The following CYP11A1 variants were observed in gnomAD, a reference collection of about 807,000 sequenced individuals.
The protein encoded by CYP11A1 is cholesterol side-chain cleavage enzyme, mitochondrial.
Under a neutral mutation model 51.9 loss-of-function variants are expected in CYP11A1, and 25 were observed. That is an observed-to-expected ratio of 0.48 (90% CI 0.35 to 0.67). The LOEUF is 0.67. Among genes scored for constraint, CYP11A1 ranks in the 30% least tolerant of loss-of-function variants. The pLI is 0.00. For synonymous variants in CYP11A1, 245 were observed against 262.1 expected (o/e 0.93, Z 0.63); for missense variants, 578 against 680.9 (o/e 0.85, Z 1.68).
chr15:74,357,739 A>T (rs977418898), intron 1 of CYP11A1, among the ~76,000 whole-genome samples: 1 of 152,190 alleles, frequency 6.6e-6, no homozygotes, highest in Non-Finnish European at 1.5e-5. Flanking sequence ...CTTTCTATCC[A>T]AACAACTTGA....
chr15:74,351,357 T>C (rs2060655609), intron 1 of CYP11A1, among the ~76,000 whole-genome samples: 4 of 152,188 alleles, frequency 2.6e-5, no homozygotes, highest in African/African-American at 7.2e-5. Context: ...TCCTGATCCC[T>C]ACATGCGGTG....
chr15:74,349,902 T>C (rs551767323), intron 1 of CYP11A1, among the ~76,000 whole-genome samples: 4 of 152,212 alleles, frequency 2.6e-5, no homozygotes, highest in Non-Finnish European at 5.9e-5. Flanking sequence ...AGTGAGCCTA[T>C]GATGGCACCA....
intron 2 of CYP11A1, among the ~76,000 whole-genome samples, chr15:74,347,279 C>T (rs901354651): frequency 6.6e-5 from 10 of 152,098 alleles, no homozygotes; most frequent in African/African-American, 1.7e-4. Flanking sequence ...TGTGGTGACA[C>T]GCACCTGTAA....
intron 1 of CYP11A1, among the ~76,000 whole-genome samples, chr15:74,355,417 CCTAGT>C (rs2060674734): frequency 6.6e-6 from 1 of 152,092 alleles, no homozygotes; most frequent in Non-Finnish European, 1.5e-5. Context: ...TTGTTCCCTC[CCTAGT>C]CTATTTCCAA....
chr15:74,361,342 T>A (rs1259961198), intron 1 of CYP11A1: 4 of 234,604 alleles, frequency 1.7e-5, no homozygotes, highest in Admixed American at 5.1e-5. Context: ...ACAATTATAA[T>A]TATGTTAAGT....
rs2060597696 is a variant in CYP11A1, at chr15:74,339,702, C to G, written c.1042G>C (p.Val348Leu). 2 of 1,614,014 alleles carry G rather than the reference C, an allele frequency of 1.2e-6. No homozygotes were observed. Among genetic ancestry groups the G allele is most frequent in the Non-Finnish European group, 1.7e-6 (2 of 1,180,042 alleles). ...ACCTCTGCCCGCAGCATATCCTGCA[C>G]CTTCAGGTTGCGTGCCATCTCATAC... ...HLYEMARNLK[V>L]QDMLRAEVLA... The change falls in exon 6 of 9, where the codon GTG (valine) becomes CTG (leucine). Residue 348 changes from valine (V) to leucine (L), a missense_variant. Transcript: ENST00000268053.
In CYP11A1 at chr15:74,339,714, G is replaced by T. The variant is rs560966443; in HGVS notation, c.1030C>A (p.Arg344Ser). Reference sequence around the variant, plus strand: ...AGCATATCCTGCACCTTCAGGTTGCGTGCCATCTCATACAAGTGCCACTGC... The same window carrying T: ...AGCATATCCTGCACCTTCAGGTTGCTTGCCATCTCATACAAGTGCCACTGC... Reference protein sequence around the residue: ...TLQWHLYEMARNLKVQDMLRA... With the variant: ...TLQWHLYEMASNLKVQDMLRA... The change falls in exon 6 of 9, where the codon CGC (arginine) becomes AGC (serine). Residue 344 changes from arginine to serine, a missense_variant. Coordinates refer to ENST00000268053, the MANE Select transcript of CYP11A1 (RefSeq NM_000781.3). The T allele has an allele frequency of 7.4e-6, 12 of 1,614,004 alleles. No homozygotes were observed. Among genetic ancestry groups the T allele is most frequent in the Non-Finnish European group, 1.0e-5 (12 of 1,180,034 alleles).
chr15:74,358,691 C>T (rs189582283), intron 1 of CYP11A1, among the ~76,000 whole-genome samples: 10 of 152,312 alleles, frequency 6.6e-5, no homozygotes, highest in African/African-American at 1.7e-4. Context: ...AGACCTTTCC[C>T]GTAGGGTCTG....
In CYP11A1 at chr15:74,367,085, A is replaced by G. The variant is rs978300957; in HGVS notation, c.269+232T>C. On this transcript the variant is annotated intron_variant, in intron 1 of 8. Transcript: ENST00000268053. ...TGGCGGTCTTGCCACCAATTGTTTC[A>G]AAAGTAGATGTCTGGTTTAGAGTAC... is the stretch of plus-strand genomic sequence containing the variant. The G allele has an allele frequency of 5.1e-6, 3 of 585,632 alleles. No individual in the cohort carries two copies. In the Admixed American group the frequency reaches 9.1e-5, roughly 18 times the overall value. The allele number at this position is 585,632 out of a possible 1,614,324, so 36.3% of individuals were successfully genotyped here. A position where few individuals can be genotyped will look rare whatever the true frequency, so the allele number is the denominator to read the frequency against.
At chr15:74,347,784 G>A in intron 2 of CYP11A1, 116 bp downstream of exon 2, 1 of 964,710 alleles carries the variant, frequency 1.0e-6, no homozygotes, top group Non-Finnish European at 1.6e-6. Context: ...TTCACCTAGA[G>A]GCCCTGCTAG....
chr15:74,363,627 G>A (rs975346757), intron 1 of CYP11A1: 18 of 152,162 alleles, frequency 1.2e-4, no homozygotes, highest in African/African-American at 2.7e-4. Context: ...TCTCCCTGAC[G>A]AGCTGTATGC....
chr15:74,348,632 A>G (rs2060642602), intron 1 of CYP11A1, among the ~76,000 whole-genome samples: 1 of 152,238 alleles, frequency 6.6e-6, no homozygotes, highest in African/African-American at 2.4e-5. Flanking sequence ...CTTTGTCTCT[A>G]TTAAAATAAA....
At chr15:74,349,923 C>T (rs376959472) in intron 1 of CYP11A1, among the ~76,000 whole-genome samples, 2 of 151,928 alleles carry the variant, frequency 1.3e-5, no homozygotes, top group African/African-American at 4.8e-5. Context: ...CTGCACTCCA[C>T]CCTGGGAGAC....
At chr15:74,338,189 G>A in intron 8 of CYP11A1, 86 bp from the exon 9 acceptor site, 7 of 1,509,276 alleles carry the variant, frequency 4.6e-6, no homozygotes, top group South Asian at 1.1e-5. Flanking sequence ...GGCAGTGCCT[G>A]TGGAGTGTGA....
At chr15:74,347,175 G>A (rs1567053753) in intron 2 of CYP11A1, among the ~76,000 whole-genome samples, 1 of 152,048 alleles carries the variant, frequency 6.6e-6, no homozygotes, top group African/African-American at 2.4e-5. Context: ...TTGGAAGGCT[G>A]AAGCGGGAAG....
intron 1 of CYP11A1, chr15:74,362,388 CT>C (rs891317652): frequency 6.1e-5 from 12 of 195,634 alleles, no homozygotes; most frequent in South Asian, 6.0e-4. Context: ...TGTAGAAAAG[CT>C]TTCCCATGCA....
intron 4 of CYP11A1, 125 bp from the exon 5 acceptor site, chr15:74,343,262 C>T (rs79533289): frequency 3.2e-6 from 3 of 934,106 alleles, no homozygotes; most frequent in Non-Finnish European, 5.1e-6. Context: ...TCTTAGGCTG[C>T]CGTTTTACTG....
intron 2 of CYP11A1, among the ~76,000 whole-genome samples, chr15:74,346,366 A>AG (rs2060633282): frequency 6.7e-6 from 1 of 150,314 alleles, no homozygotes; most frequent in East Asian, 1.9e-4. Flanking sequence ...AAAAAAAAAA[A>AG]AAAAAAAGAA....
chr15:74,341,050 G>A (rs2060604902), intron 5 of CYP11A1, among the ~76,000 whole-genome samples: 1 of 152,112 alleles, frequency 6.6e-6, no homozygotes, highest in Admixed American at 6.5e-5. Flanking sequence ...GATGTACTTG[G>A]GATTTAATAA....
Sources: allele counts gnomAD v4.1 joint callset (sites outside exome capture counted in the v4.1 genomes callset), GRCh38; gene constraint gnomAD v4.1.1; transcripts MANE v1.5; gene names NCBI Gene and HGNC (gene_info 2026-07-23, HGNC 2026-07-21).